The following MGST1 variants were observed in gnomAD, a reference collection of about 807,000 sequenced individuals.
MGST1 encodes microsomal glutathione S-transferase 1, also known as glutathione S-transferase 12.
MGST1 carries 5 observed loss-of-function variants against 8.9 expected under a neutral mutation model. The observed-to-expected ratio is 0.56, with a 90% CI of 0.29 to 1.19. The LOEUF is 1.19. Among genes scored for constraint, MGST1 ranks in the 50% most tolerant of loss-of-function variants. The pLI is 0.08. For synonymous variants in MGST1, 54 were observed against 67.8 expected (o/e 0.80, Z 1.00); for missense variants, 182 against 187.4 (o/e 0.97, Z 0.17).
At chr12:16,378,630 G>C (rs1228227246), downstream of MGST1, among the ~76,000 whole-genome samples, 2 of 149,862 alleles carry the variant, frequency 1.3e-5, no homozygotes, top group African/African-American at 4.9e-5. Flanking sequence ...GGCGATGCGG[G>C]CTCTTTTTTG....
At position 16,510,467 on chromosome 12, in the gene MGST1, T is replaced by C. The variant is rs143483684; in HGVS notation, n.483-79061T>C. Among the ~76,000 whole-genome samples, 77 of 152,344 alleles carry C rather than the reference T, an allele frequency of 5.1e-4. 1 individual carries two copies. In the East Asian group the frequency reaches 0.013, roughly 26 times the overall value. On this transcript the variant is annotated intron_variant and non_coding_transcript_variant, in intron 4 of 4. Transcript: ENST00000538857. ...TAATTATGGATGAAACAGAAAGCTATGCCTTAACACATTGTAATATTGAGT... is the reference window on the plus strand; with the variant it reads ...TAATTATGGATGAAACAGAAAGCTACGCCTTAACACATTGTAATATTGAGT...
intron 1 of MGST1, among the ~76,000 whole-genome samples, chr12:16,430,760 G>T (rs565871073): frequency 4.3e-4 from 66 of 152,232 alleles, no homozygotes; most frequent in South Asian, 1.0e-3. Context: ...TAAGGCCCCT[G>T]GGATTTTCAG....
At chr12:16,557,822 T>C (rs887503012) in intron 4 of MGST1, among the ~76,000 whole-genome samples, 5 of 152,054 alleles carry the variant, frequency 3.3e-5, no homozygotes, top group Non-Finnish European at 7.4e-5. Flanking sequence ...AGTAACATAC[T>C]CAAGATCACA....
intron 1 of MGST1, chr12:16,399,587 A>G (rs898171948): frequency 1.9e-6 from 3 of 1,604,246 alleles, no homozygotes; most frequent in Non-Finnish European, 2.6e-6. Flanking sequence ...CTGAAGGATT[A>G]AAAGTCTCAT....
At chr12:16,381,842 A>G (rs1312872227), downstream of MGST1, among the ~76,000 whole-genome samples, 1 of 151,982 alleles carries the variant, frequency 6.6e-6, no homozygotes, top group Non-Finnish European at 1.5e-5. Context: ...ATTTCTTTTT[A>G]TTCTTTTTTC....
chr12:16,419,150 C>G (rs2137082152), intron 1 of MGST1, among the ~76,000 whole-genome samples: 1 of 152,268 alleles, frequency 6.6e-6, no homozygotes, highest in East Asian at 1.9e-4. Context: ...CTTAGAAACC[C>G]AAATCTGACA....
At chr12:16,541,989 C>A (rs1386500991) in intron 4 of MGST1, among the ~76,000 whole-genome samples, 2 of 152,078 alleles carry the variant, frequency 1.3e-5, no homozygotes, top group Non-Finnish European at 2.9e-5. Flanking sequence ...TTAAGTCCGC[C>A]CTGCTGCAGT....
downstream of MGST1, among the ~76,000 whole-genome samples, chr12:16,366,150 C>T (rs527738221): frequency 1.3e-5 from 2 of 152,054 alleles, no homozygotes; most frequent in African/African-American, 4.8e-5. The surrounding 1 kb of genome is among the most constrained non-coding windows in gnomAD (Gnocchi z 4.0). Flanking sequence ...GGGAAAAGGA[C>T]GTTTAAATTT....
chr12:16,539,511 C>G (rs1220256454), intron 4 of MGST1, among the ~76,000 whole-genome samples: 1 of 152,172 alleles, frequency 6.6e-6, no homozygotes, highest in Non-Finnish European at 1.5e-5. Flanking sequence ...ACCACCTCCT[C>G]CTGTATTGAC....
chr12:16,475,363 C>T (rs1941316188), intron 4 of MGST1, among the ~76,000 whole-genome samples: 1 of 152,014 alleles, frequency 6.6e-6, no homozygotes, highest in African/African-American at 2.4e-5. Context: ...TTTAAAAATG[C>T]AAGTGCTGGA....
intron 4 of MGST1, among the ~76,000 whole-genome samples, chr12:16,564,160 G>A (rs960358989): frequency 2.0e-5 from 3 of 152,042 alleles, no homozygotes; most frequent in Non-Finnish European, 4.4e-5. Flanking sequence ...TCTAAAAACA[G>A]ACATGAATAT....
At chr12:16,396,882 A>G (rs1296579402) in intron 1 of MGST1, among the ~76,000 whole-genome samples, 1 of 152,160 alleles carries the variant, frequency 6.6e-6, no homozygotes, top group Non-Finnish European at 1.5e-5. Flanking sequence ...TACAAATTCA[A>G]TGCAATTCCC....
rs1941587912 is a variant in MGST1 at position 16,513,221 on chromosome 12, C to A, written n.483-76307C>A. On this transcript the variant is annotated intron_variant and non_coding_transcript_variant, in intron 4 of 4. Transcript: ENST00000538857. This position sits in a 1 kb window ranked among gnomAD's most constrained non-coding sequence, Gnocchi z 4.2. Reference sequence around the variant, plus strand: ...CTCAGTTTCTGCTTCTTCATGACTTCAGCTTTTCATGAACTCTACGGAATT... The same window carrying A: ...CTCAGTTTCTGCTTCTTCATGACTTAAGCTTTTCATGAACTCTACGGAATT... 6.6e-6 allele frequency among the ~76,000 whole-genome samples: 1 copy of A among 152,208 alleles called. No homozygotes were observed. Among genetic ancestry groups the A allele is most frequent in the South Asian group, 2.1e-4 (1 of 4,834 alleles).
At chr12:16,490,998 G>A (rs1201255792) in intron 4 of MGST1, among the ~76,000 whole-genome samples, 2 of 152,126 alleles carry the variant, frequency 1.3e-5, no homozygotes, top group Admixed American at 6.6e-5. Context: ...AAGCCATGCA[G>A]AGAATCTTAC....
chr12:16,570,573 G>A (rs535893197), intron 4 of MGST1, among the ~76,000 whole-genome samples: 1 of 152,172 alleles, frequency 6.6e-6, no homozygotes, highest in South Asian at 2.1e-4. Context: ...TGTCAAATAA[G>A]CCATTTAATG....
chr12:16,519,423 C>G (rs1227098058), intron 4 of MGST1, among the ~76,000 whole-genome samples: 2 of 152,124 alleles, frequency 1.3e-5, no homozygotes, highest in African/African-American at 4.8e-5. Flanking sequence ...GTATGAAACT[C>G]ATACCATTGT....
At chr12:16,440,864 A>G (rs1259391513), downstream of MGST1, among the ~76,000 whole-genome samples, 1 of 151,882 alleles carries the variant, frequency 6.6e-6, no homozygotes, top group African/African-American at 2.4e-5. Context: ...TAGTTTCTCC[A>G]GATCATTGCC....
intron 4 of MGST1, among the ~76,000 whole-genome samples, chr12:16,464,915 T>A (rs1000318045): frequency 6.6e-6 from 1 of 152,218 alleles, no homozygotes; most frequent in Non-Finnish European, 1.5e-5. Flanking sequence ...CTGACTGCTT[T>A]CTATTGGCTC....
At chr12:16,495,688 T>G (rs568341854) in intron 4 of MGST1, among the ~76,000 whole-genome samples, 1 of 152,118 alleles carries the variant, frequency 6.6e-6, no homozygotes, top group Non-Finnish European at 1.5e-5. Flanking sequence ...GTCACATTTT[T>G]TTTTTTTCAA....
Sources: gnomAD v4.1 joint callset for allele counts (sites outside exome capture counted in the v4.1 genomes callset) on GRCh38, gnomAD v4.1.1 for gene constraint, Gnocchi (gnomAD v3.1) non-coding constraint, MANE v1.5 for transcripts, NCBI Gene and HGNC (gene_info 2026-07-23, HGNC 2026-07-21) for gene names.